RALGAPA2: variants seen among roughly 807,000 people sequenced by gnomAD.
RALGAPA2 encodes Ral GTPase activating protein catalytic subunit alpha 2.
Under a neutral mutation model 230.4 loss-of-function variants are expected in RALGAPA2, and 139 were observed. That is an observed-to-expected ratio of 0.60 (90% CI 0.53 to 0.69). RALGAPA2 has a LOEUF of 0.69. Ranked by LOEUF, RALGAPA2 falls within the 30% of genes least tolerant of loss-of-function variation. The pLI is 0.00. For missense variants in RALGAPA2, 2,163 were observed against 2,276.0 expected, an observed-to-expected ratio of 0.95 and a Z score of 1.01; for synonymous variants, 847 against 837.8, an observed-to-expected ratio of 1.01 and a Z score of -0.19.
chr20:20,619,585 C>A (rs148458549), intron 11 of RALGAPA2, among the ~76,000 whole-genome samples, 171 bp from the exon 12 acceptor site: 4 of 152,178 alleles, frequency 2.6e-5, no homozygotes, highest in African/African-American at 9.7e-5. Context: ...AGGTAGAGAG[C>A]TCCCCACTCA....
intron 37 of RALGAPA2, among the ~76,000 whole-genome samples, chr20:20,431,492 A>G (rs2060500937): frequency 6.6e-6 from 1 of 152,216 alleles, no homozygotes; most frequent in African/African-American, 2.4e-5. Context: ...GGTTTAATGG[A>G]TGATGCAAGA....
intron 37 of RALGAPA2, among the ~76,000 whole-genome samples, chr20:20,445,939 T>C (rs1214717028): frequency 1.3e-5 from 2 of 152,226 alleles, no homozygotes; most frequent in Non-Finnish European, 2.9e-5. Flanking sequence ...CAATGCACAT[T>C]TGCTTTGGAA....
chr20:20,511,179 C>T, intron 33 of RALGAPA2, 75 bp downstream of exon 33: 1 of 1,528,744 alleles, frequency 6.5e-7, no homozygotes, highest in Non-Finnish European at 8.8e-7. Flanking sequence ...TCTATTCATT[C>T]CTGCTGTTGT....
At chr20:20,511,442 A>ATTTGTGGT in intron 32 of RALGAPA2, 117 bp from the exon 33 acceptor site, 1 of 1,411,960 alleles carries the variant, frequency 7.1e-7, no homozygotes, top group Non-Finnish European at 9.3e-7. Context: ...TCACTCACAA[A>ATTTGTGGT]AGATTTGTGA....
intron 1 of RALGAPA2, among the ~76,000 whole-genome samples, chr20:20,685,810 C>T (rs1208121287): frequency 1.3e-5 from 2 of 152,002 alleles, no homozygotes; most frequent in African/African-American, 4.8e-5. Flanking sequence ...AGGGCAAGGC[C>T]ACGCTCCAGA....
At chr20:20,476,987 T>A (rs538218051) in intron 36 of RALGAPA2, among the ~76,000 whole-genome samples, 38 of 152,256 alleles carry the variant, frequency 2.5e-4, no homozygotes, top group Admixed American at 6.5e-4. Flanking sequence ...TACTACATAA[T>A]TTCATTCCTA....
intron 2 of RALGAPA2, among the ~76,000 whole-genome samples, chr20:20,677,966 C>A (rs575638227): frequency 3.9e-5 from 6 of 152,004 alleles, no homozygotes; most frequent in Non-Finnish European, 7.4e-5. Flanking sequence ...AAGGAGGACT[C>A]CAGCTGCTCT....
chr20:20,684,378 C>T (rs192704574), intron 1 of RALGAPA2, among the ~76,000 whole-genome samples: 30 of 152,328 alleles, frequency 2.0e-4, no homozygotes, highest in Non-Finnish European at 4.0e-4. Flanking sequence ...TTCCCTCATT[C>T]CCTCAGACAC....
intron 10 of RALGAPA2, among the ~76,000 whole-genome samples, chr20:20,627,526 A>T (rs538723669): frequency 6.6e-6 from 1 of 152,318 alleles, no homozygotes; most frequent in South Asian, 2.1e-4. Flanking sequence ...TGGTTTACCC[A>T]GTCATTCTGC....
At chr20:20,518,064 T>C (rs568334545) in intron 31 of RALGAPA2, among the ~76,000 whole-genome samples, 1 of 151,982 alleles carries the variant, frequency 6.6e-6, no homozygotes, top group African/African-American at 2.4e-5. Flanking sequence ...ATAAATAATT[T>C]TTTTCCCCCC....
intron 38 of RALGAPA2, among the ~76,000 whole-genome samples, chr20:20,405,885 C>G (rs533023302): frequency 2.0e-5 from 3 of 152,200 alleles, no homozygotes; most frequent in African/African-American, 7.2e-5. Flanking sequence ...TAGAGACACA[C>G]CTGTGCTGCT....
chr20:20,394,889 CAAA>C (rs10673778), intron 39 of RALGAPA2, among the ~76,000 whole-genome samples: 4 of 44,646 alleles, frequency 9.0e-5, no homozygotes, highest in Non-Finnish European at 1.2e-4. Context: ...AATAAATAAG[CAAA>C]AAAAAAAAAA....
intron 3 of RALGAPA2, among the ~76,000 whole-genome samples, chr20:20,662,863 G>C (rs1206031440): frequency 6.6e-6 from 1 of 152,202 alleles, no homozygotes; most frequent in African/African-American, 2.4e-5. Flanking sequence ...ACTGAATCTT[G>C]AAGGACAACA....
At position 20,584,897 on chromosome 20, in the gene RALGAPA2, T is replaced by C. The variant is rs1027176735; in HGVS notation, c.2498A>G (p.Gln833Arg). Residue 833 changes from glutamine (Q) to arginine (R), a missense_variant, in exon 19 of 40, where the codon CAG (glutamine) becomes CGG (arginine). By Grantham distance (43) the Gln-to-Arg change is conservative. Coordinates refer to ENST00000202677, the MANE Select transcript of RALGAPA2 (RefSeq NM_020343.4). ...TCTTTCCCTACATTTTCCTTGTGTC[T>C]GCTGCAAATCATCTTTCAAATCCAA... is the stretch of plus-strand genomic sequence containing the variant. ...AELDLKDDLQ[Q>R]TQGKCRERQK... is the part of the protein sequence containing the mutation. 3.1e-6 allele frequency: 5 copies of C among 1,611,890 alleles called. No individual in the cohort carries two copies. The highest frequency in any genetic ancestry group is 4.2e-6 in the Non-Finnish European group (5 of 1,178,720).
chr20:20,481,697 T>A (rs1259201240), intron 36 of RALGAPA2, among the ~76,000 whole-genome samples: 1 of 152,316 alleles, frequency 6.6e-6, no homozygotes, highest in East Asian at 1.9e-4. Flanking sequence ...AAAAAGCATC[T>A]GCATACAGGT....
At position 20,392,637 on chromosome 20, in the gene RALGAPA2, G is replaced by C. The variant is rs2059623088; in HGVS notation, c.*652C>G. ...TTAGTTAGCGGGCGTCAGGTACCAT[G>C]TGGGAAAACACTGGACAACTGAGGT... On this transcript the variant is annotated 3_prime_UTR_variant, in exon 40 of 40. Coordinates refer to ENST00000202677, the MANE Select transcript of RALGAPA2 (RefSeq NM_020343.4). 6.2e-6 allele frequency: 1 copy of C among 161,460 alleles called. No homozygotes were observed. The highest frequency in any genetic ancestry group is 5.7e-5 in the Admixed American group (1 of 17,452). 10.0% of individuals were successfully genotyped at this position (161,460 alleles called of 1,614,324 possible).
At chr20:20,705,838 T>C (rs1603258931) in intron 1 of RALGAPA2, among the ~76,000 whole-genome samples, 1 of 152,268 alleles carries the variant, frequency 6.6e-6, no homozygotes, top group African/African-American at 2.4e-5. Flanking sequence ...CTGGCTAATT[T>C]TTGTATTTTT....
At chr20:20,607,901 CAAAATGGT>C (rs1417992117) in intron 14 of RALGAPA2, among the ~76,000 whole-genome samples, 3 of 152,270 alleles carry the variant, frequency 2.0e-5, no homozygotes, top group African/African-American at 7.2e-5. Context: ...GTGCACAGAG[CAAAATGGT>C]AAAATGGTAA....
chr20:20,561,154 C>G (rs758187407), intron 23 of RALGAPA2, among the ~76,000 whole-genome samples: 7 of 152,224 alleles, frequency 4.6e-5, no homozygotes, highest in Non-Finnish European at 1.0e-4. Context: ...AACACAGAAC[C>G]TATCACCTGC....
Sources: allele counts gnomAD v4.1 joint callset (sites outside exome capture counted in the v4.1 genomes callset), GRCh38; gene constraint gnomAD v4.1.1; transcripts MANE v1.5; gene names NCBI Gene and HGNC (gene_info 2026-07-23, HGNC 2026-07-21).